Variants in PLCH1 observed in about 807,000 individuals in gnomAD.
PLCH1 encodes the protein phospholipase C eta 1.
In PLCH1, 60 loss-of-function variants were observed where a neutral mutation model predicts 126.7. The observed-to-expected ratio is 0.47, with a 90% CI of 0.38 to 0.59. The LOEUF (loss-of-function observed/expected upper bound fraction) is 0.59. PLCH1 is among the 20% of genes least tolerant of loss of function. The probability of loss-of-function intolerance (pLI) is 0.00; values close to 1 mark genes in which losing one functional copy is unlikely to be tolerated. For missense variants in PLCH1, 1,723 were observed against 2,040.0 expected (o/e 0.84, Z 2.99); for synonymous variants, 719 against 734.9 (o/e 0.98, Z 0.35).
At chr3:155,627,788 G>C (rs1321807796) in intron 2 of PLCH1, among the ~76,000 whole-genome samples, 1 of 142,598 alleles carries the variant, frequency 7.0e-6, no homozygotes, top group East Asian at 2.1e-4. Context: ...TTTTTTTTGA[G>C]ACAGAATCTC....
At chr3:155,478,474 C>T (rs1465442082), downstream of PLCH1, among the ~76,000 whole-genome samples, 1 of 152,074 alleles carries the variant, frequency 6.6e-6, no homozygotes, top group Non-Finnish European at 1.5e-5. Flanking sequence ...CCATGATGTG[C>T]TTATTTCACA....
chr3:155,596,462 C>T, intron 2 of PLCH1, 84 bp from the exon 3 acceptor site: 1 of 1,117,772 alleles, frequency 8.9e-7, no homozygotes, highest in Non-Finnish European at 1.3e-6. Flanking sequence ...AATAAAACCT[C>T]TGATTCACCT....
intron 2 of PLCH1, among the ~76,000 whole-genome samples, chr3:155,674,316 A>C (rs1195778100): frequency 6.6e-6 from 1 of 152,172 alleles, no homozygotes; most frequent in Non-Finnish European, 1.5e-5. Context: ...TTTATACTTC[A>C]TGGTCTTCCT....
intron 2 of PLCH1, among the ~76,000 whole-genome samples, chr3:155,690,217 T>C (rs1745272045): frequency 1.3e-5 from 2 of 152,232 alleles, no homozygotes; most frequent in Admixed American, 1.3e-4. Flanking sequence ...GCTATCAATA[T>C]GTACCAGTCA....
In PLCH1 at chr3:155,494,574, C is replaced by T. The variant is rs547199224; in HGVS notation, c.1895-57G>A. ...GAGAACTACAGCAAAGAAAACACCACGCACAGAAGACTTTATAATAATGTC... is the reference window on the plus strand; with the variant it reads ...GAGAACTACAGCAAAGAAAACACCATGCACAGAAGACTTTATAATAATGTC... On this transcript the variant is annotated intron_variant, in intron 15 of 22. Transcript: ENST00000460012. 5.2e-5 allele frequency: 70 copies of T among 1,334,444 alleles called. No homozygotes were observed. The Middle Eastern group carries it at 5.5e-4, about 11-fold the overall frequency. 82.7% of individuals were successfully genotyped at this position (1,334,444 alleles called of 1,614,324 possible). A position where few individuals can be genotyped will look rare whatever the true frequency, so the allele number is the denominator to read the frequency against.
chr3:155,576,664 T>C (rs989223301), intron 6 of PLCH1, among the ~76,000 whole-genome samples: 3 of 152,198 alleles, frequency 2.0e-5, no homozygotes, highest in African/African-American at 7.2e-5. Context: ...TATCAGAAGC[T>C]AATGAATTAC....
intron 10 of PLCH1, among the ~76,000 whole-genome samples, chr3:155,537,265 C>T (rs1449816137): frequency 1.2e-5 from 1 of 81,794 alleles, no homozygotes; most frequent in Non-Finnish European, 2.5e-5. Context: ...TGAAAGAAAA[C>T]CTCAAAATAC....
At chr3:155,590,577 CA>C (rs35443780) in intron 4 of PLCH1, among the ~76,000 whole-genome samples, 54 of 125,580 alleles carry the variant, frequency 4.3e-4, no homozygotes, top group East Asian at 6.7e-4. Flanking sequence ...GACTCCATCT[CA>C]AAAAAAAAAA....
At chr3:155,733,720 T>C (rs1012820486) in intron 1 of PLCH1, among the ~76,000 whole-genome samples, 1 of 151,860 alleles carries the variant, frequency 6.6e-6, no homozygotes, top group African/African-American at 2.4e-5. Flanking sequence ...CAAATGAGAT[T>C]GCTTCAAACT....
At chr3:155,700,849 C>A (rs1223631586) in intron 2 of PLCH1, among the ~76,000 whole-genome samples, 1 of 150,950 alleles carries the variant, frequency 6.6e-6, no homozygotes, top group East Asian at 1.9e-4. Context: ...AGGTATAAGC[C>A]ATTAAGACAG....
chr3:155,744,436 G>T (rs1443594185), intron 1 of PLCH1, among the ~76,000 whole-genome samples: 2 of 152,224 alleles, frequency 1.3e-5, no homozygotes, highest in Admixed American at 6.5e-5. Context: ...TGGGAAACGC[G>T]GACCTGCTCT....
At chr3:155,659,331 T>C (rs1261757779) in intron 2 of PLCH1, among the ~76,000 whole-genome samples, 1 of 99,368 alleles carries the variant, frequency 1.0e-5, no homozygotes, top group Non-Finnish European at 2.0e-5. Context: ...TTTTTTTTTT[T>C]TTTTTTTTTT....
intron 1 of PLCH1, among the ~76,000 whole-genome samples, chr3:155,709,763 G>A (rs527421994): frequency 7.7e-4 from 117 of 152,036 alleles, no homozygotes; most frequent in South Asian, 6.0e-3. Context: ...GACCACCAGC[G>A]TGAACCACCA....
chr3:155,594,086 T>C lies in PLCH1; in HGVS notation c.325A>G (p.Ile109Val), dbSNP rs1189718323. ...GACTCCATGTGGTTGCCATGGTAGATGGTGAAGCAGCAGCTGGGGTCGAAG... is the reference window on the plus strand; with the variant it reads ...GACTCCATGTGGTTGCCATGGTAGACGGTGAAGCAGCAGCTGGGGTCGAAG... ...GNFDPSCCFT[I>V]YHGNHMESLD... The change falls in exon 4 of 23, where the codon ATC becomes GTC. Residue 109 changes from isoleucine (I) to valine (V), a missense_variant. Ile to Val is a conservative substitution (Grantham distance 29). Around this residue, in one of 2 missense-constraint regions of PLCH1, gnomAD observed 776 missense variants for 1,062.9 expected, o/e 0.73. Transcript: ENST00000460012. 1.2e-6 allele frequency: 2 copies of C among 1,613,974 alleles called. No individual in the cohort carries two copies. The highest frequency in any genetic ancestry group is 2.2e-5 in the East Asian group (1 of 44,858).
chr3:155,456,016 G>A (rs772825857), intron 21 of PLCH1, among the ~76,000 whole-genome samples: 2 of 152,172 alleles, frequency 1.3e-5, no homozygotes, highest in South Asian at 2.1e-4. Flanking sequence ...TTCTTACCAC[G>A]CAGAATGTGG....
intron 2 of PLCH1, among the ~76,000 whole-genome samples, chr3:155,625,976 C>T (rs1167355155): frequency 1.3e-5 from 2 of 152,154 alleles, no homozygotes; most frequent in Non-Finnish European, 2.9e-5. Context: ...TGGAACCAAC[C>T]CAAATGCCCA....
At chr3:155,706,981 C>A (rs1365944191) in intron 1 of PLCH1, among the ~76,000 whole-genome samples, 1 of 152,098 alleles carries the variant, frequency 6.6e-6, no homozygotes, top group Non-Finnish European at 1.5e-5. Context: ...TCTAATGCCC[C>A]CCAATGTGAT....
chr3:155,686,701 C>T (rs1272253855), intron 2 of PLCH1, among the ~76,000 whole-genome samples: 3 of 152,164 alleles, frequency 2.0e-5, no homozygotes, highest in Non-Finnish European at 4.4e-5. Flanking sequence ...CAAATACTTA[C>T]CAGGCATCTC....
chr3:155,599,697 C>T lies in PLCH1; in HGVS notation c.80-3319G>A, dbSNP rs189066966. 1.1e-4 allele frequency among the ~76,000 whole-genome samples: 16 copies of T among 152,256 alleles called. No individual in the cohort carries two copies. The East Asian group carries it at 3.1e-3, about 29-fold the overall frequency. On this transcript the variant is annotated intron_variant, in intron 2 of 22. Transcript: ENST00000460012. ...TCAGAGATCTAACAGCAAGGACTGC[C>T]TATGTATCTGACACAGGAAAACAAA... is the stretch of plus-strand genomic sequence containing the variant.
Sources: allele counts gnomAD v4.1 joint callset (sites outside exome capture counted in the v4.1 genomes callset), GRCh38; gene constraint gnomAD v4.1.1; regional missense constraint gnomAD v4.1.1; transcripts MANE v1.5; gene names NCBI Gene and HGNC (gene_info 2026-07-23, HGNC 2026-07-21).